The following CCDC85C variants were observed in gnomAD, a reference collection of about 807,000 sequenced individuals.
CCDC85C encodes coiled-coil domain containing 85C.
CCDC85C carries 18 observed loss-of-function variants against 38.3 expected under a neutral mutation model. The observed-to-expected ratio is 0.47, with a 90% CI of 0.33 to 0.70. The LOEUF is 0.70. Ranked by LOEUF, CCDC85C falls within the 30% of genes least tolerant of loss-of-function variation. The pLI is 0.03. For missense variants in CCDC85C, 566 were observed against 621.2 expected, an observed-to-expected ratio of 0.91 and a Z score of 0.94; for synonymous variants, 264 against 293.8, an observed-to-expected ratio of 0.90 and a Z score of 1.04.
intron 3 of CCDC85C, among the ~76,000 whole-genome samples, chr14:99,518,989 G>A (rs1012994758): frequency 1.3e-5 from 2 of 151,832 alleles, no homozygotes; most frequent in Admixed American, 6.6e-5. Flanking sequence ...AGCCCCCTCG[G>A]GCCACACACA....
rs60431041 is a variant in CCDC85C at position 99,519,279 on chromosome 14, C to CTTTTTTT, written c.976-2103_976-2097dup. ...TACAGATGCACACCACCATGCCCAG[C>CTTTTTTT]TTTTTTTTTTTTTTTTTGGTAGAGA... On this transcript the variant is annotated intron_variant, in intron 3 of 5. Transcript: ENST00000380243. 3.2e-3 allele frequency among the ~76,000 whole-genome samples: 391 copies of CTTTTTTT among 122,782 alleles called. 2 individuals carry two copies. Among genetic ancestry groups the CTTTTTTT allele is most frequent in the African/African-American group, 0.012 (366 of 31,696 alleles). 80.5% of individuals were successfully genotyped at this position (122,782 alleles called of 152,430 possible). A position where few individuals can be genotyped will look rare whatever the true frequency, so the allele number is the denominator to read the frequency against.
At chr14:99,551,421 G>A (rs1047507893) in intron 1 of CCDC85C, among the ~76,000 whole-genome samples, 2 of 151,766 alleles carry the variant, frequency 1.3e-5, no homozygotes, top group African/African-American at 4.8e-5. Flanking sequence ...AGATGAGCAG[G>A]TGAATGAGCA....
chr14:99,602,384 G>T (rs11624798), intron 1 of CCDC85C, among the ~76,000 whole-genome samples: 2,938 of 152,306 alleles, frequency 0.019, 48 homozygotes, highest in Non-Finnish European at 0.028. Flanking sequence ...GATGACCACG[G>T]CACTTCCTGT....
In CCDC85C at chr14:99,501,551, C is replaced by A; in HGVS notation, c.*13695G>T. 1 of 627,388 alleles carries A rather than the reference C, an allele frequency of 1.6e-6. No homozygotes were observed. Among genetic ancestry groups the A allele is most frequent in the Non-Finnish European group, 2.8e-6 (1 of 358,726 alleles). The allele number at this position is 627,388 out of a possible 1,614,324, so 38.9% of individuals were successfully genotyped here. On this transcript the variant is annotated 3_prime_UTR_variant, in exon 6 of 6. Transcript: ENST00000380243. ...CTTGAGGAGCCAGTTAATGGCAAAG[C>A]TGGGGCTGACGTCCAGGTCATCTGC...
Position 99,520,458 on chromosome 14 carries a change from GTTC to G in CCDC85C, c.975+1672_975+1674del, listed in dbSNP as rs1897287814. 4.1e-5 allele frequency among the ~76,000 whole-genome samples: 1 copy of G among 24,650 alleles called. No homozygotes were observed. Among genetic ancestry groups the G allele is most frequent in the Non-Finnish European group, 2.3e-4 (1 of 4,282 alleles). The allele number at this position is 24,650 out of a possible 152,430, so 16.2% of individuals were successfully genotyped here. A position where few individuals can be genotyped will look rare whatever the true frequency, so the allele number is the denominator to read the frequency against. ...CCCCGATCACGGCCCCTGCACCTCA[GTTC>G]ATCCCATTCCTGGGGGCCTGCCCGC... On this transcript the variant is annotated intron_variant, in intron 3 of 5. Coordinates refer to ENST00000380243, the MANE Select transcript of CCDC85C (RefSeq NM_001144995.2). The surrounding 1 kb of genome is among the most constrained non-coding windows in gnomAD (Gnocchi z 4.1).
At position 99,507,339 on chromosome 14, in the gene CCDC85C, G is replaced by T. The variant is rs931132943; in HGVS notation, c.*7907C>A. The T allele has an allele frequency of 1.7e-6, 1 of 579,798 alleles. No individual in the cohort carries two copies. The highest frequency in any genetic ancestry group is 3.1e-6 in the Non-Finnish European group (1 of 321,612). 35.9% of individuals were successfully genotyped at this position (579,798 alleles called of 1,614,324 possible). ...TGTTTTTGATCCCAGCACTTTGGGAGGCGGAGGCAGGAGAATCACCTGACC... is the reference window on the plus strand; with the variant it reads ...TGTTTTTGATCCCAGCACTTTGGGATGCGGAGGCAGGAGAATCACCTGACC... On this transcript the variant is annotated 3_prime_UTR_variant, in exon 6 of 6. Transcript: ENST00000380243.
chr14:99,573,452 G>A (rs556457443), intron 1 of CCDC85C, among the ~76,000 whole-genome samples: 32 of 152,354 alleles, frequency 2.1e-4, no homozygotes, highest in South Asian at 8.3e-4. Context: ...TGTCACCCAC[G>A]TGAAGGAAAA....
chr14:99,532,776 CTTCTTCTTTT>C, intron 2 of CCDC85C, among the ~76,000 whole-genome samples: 1 of 126,572 alleles, frequency 7.9e-6, no homozygotes, highest in East Asian at 2.5e-4. Flanking sequence ...TCTTCTTCTT[CTTCTTCTTTT>C]TTTTTTTTTT....
At chr14:99,594,700 G>C (rs1475554395) in intron 1 of CCDC85C, among the ~76,000 whole-genome samples, 4 of 152,174 alleles carry the variant, frequency 2.6e-5, no homozygotes, top group Admixed American at 1.3e-4. Context: ...GGGACTCTCA[G>C]CTCAGCCCAT....
intron 1 of CCDC85C, among the ~76,000 whole-genome samples, chr14:99,555,636 A>G (rs929935565): frequency 2.0e-5 from 3 of 152,242 alleles, no homozygotes; most frequent in African/African-American, 7.2e-5. Context: ...CGGCCCTCCC[A>G]GGAGAAGGCC....
Position 99,503,075 on chromosome 14 carries a change from G to C in CCDC85C, c.*12171C>G, listed in dbSNP as rs576158425. ...GTTCCCATTTCTAAGCGAGCACAGG[G>C]AACACCGGAAGCAGGGGGTGTTCGC... On this transcript the variant is annotated 3_prime_UTR_variant, in exon 6 of 6. Transcript: ENST00000380243. 7.1e-7 allele frequency: 1 copy of C among 1,412,030 alleles called. No homozygotes were observed. Among genetic ancestry groups the C allele is most frequent in the East Asian group, 2.3e-5 (1 of 43,874 alleles). 87.5% of individuals were successfully genotyped at this position (1,412,030 alleles called of 1,614,324 possible).
chr14:99,571,427 T>C (rs1898340817), intron 1 of CCDC85C, among the ~76,000 whole-genome samples: 1 of 152,172 alleles, frequency 6.6e-6, no homozygotes, highest in Non-Finnish European at 1.5e-5. Context: ...CAAGTGCCTT[T>C]TGGGCGTGCA....
chr14:99,524,334 TCCGGCGTCC>T (rs1897343825), intron 2 of CCDC85C, among the ~76,000 whole-genome samples: 1 of 151,982 alleles, frequency 6.6e-6, no homozygotes, highest in Admixed American at 6.6e-5. Flanking sequence ...CTGTTTGGAC[TCCGGCGTCC>T]CTTCCTCCAC....
At chr14:99,579,934 T>TC (rs34139518) in intron 1 of CCDC85C, 168,844 of 400,688 alleles carry the variant, frequency 0.42, 36,981 homozygotes, top group South Asian at 0.44. Flanking sequence ...TCTGGCTCAG[T>TC]CCAAGACTTT....
rs147915144 is a variant in CCDC85C at position 99,546,338 on chromosome 14, A to T, written c.794-10250T>A. ...GGGAGGGGTGGGACATCTCAGCCAC[A>T]TGCAGAGGTGGGAGGTGCAGCAGGT... On this transcript the variant is annotated intron_variant, in intron 1 of 5. Transcript: ENST00000380243. Among the ~76,000 whole-genome samples, 858 of 152,134 alleles carry T rather than the reference A, an allele frequency of 5.6e-3. 7 individuals carry two copies. The highest frequency in any genetic ancestry group is 0.02 in the African/African-American group (816 of 41,512).
Position 99,558,325 on chromosome 14 carries a change from G to C in CCDC85C, c.794-22237C>G, listed in dbSNP as rs1215844119. 2.6e-5 allele frequency among the ~76,000 whole-genome samples: 4 copies of C among 152,240 alleles called. No homozygotes were observed. The highest frequency in any genetic ancestry group is 5.9e-5 in the Non-Finnish European group (4 of 68,038). ...GAATGTGATCTTATTTGGAAATACGGTCTTTGCACATGTAGTCAAGGTAAG... is the reference window on the plus strand; with the variant it reads ...GAATGTGATCTTATTTGGAAATACGCTCTTTGCACATGTAGTCAAGGTAAG... On this transcript the variant is annotated intron_variant, in intron 1 of 5. Coordinates refer to ENST00000380243, the MANE Select transcript of CCDC85C (RefSeq NM_001144995.2). The surrounding 1 kb of genome is among the most constrained non-coding windows in gnomAD (Gnocchi z 4.2).
At chr14:99,528,416 C>T (rs865884489) in intron 2 of CCDC85C, among the ~76,000 whole-genome samples, 7 of 152,310 alleles carry the variant, frequency 4.6e-5, no homozygotes, top group Middle Eastern at 3.4e-3. Context: ...CTCGCCAAGG[C>T]GACTCCAGGA....
At position 99,501,962 on chromosome 14, in the gene CCDC85C, C is replaced by T; in HGVS notation, c.*13284G>A. ...ACATAAGTCATTTTCATTGGTGTAG[C>T]AATTTTTGGATGTGCTAGAATTCTT... On this transcript the variant is annotated 3_prime_UTR_variant, in exon 6 of 6. Transcript: ENST00000380243. 2.8e-6 allele frequency: 1 copy of T among 357,622 alleles called. No individual in the cohort carries two copies. The highest frequency in any genetic ancestry group is 2.1e-5 in the African/African-American group (1 of 46,896). The allele number at this position is 357,622 out of a possible 1,614,324, so 22.2% of individuals were successfully genotyped here.
rs1270946825 is a variant in CCDC85C, at chr14:99,522,022, G to A, written c.975+111C>T. ...GACACGGACACAGGGCCTAGGGCTG[G>A]GGCTGAACTCAGGCACCCAGATCCT... On this transcript the variant is annotated intron_variant, in intron 3 of 5. Coordinates refer to ENST00000380243, the MANE Select transcript of CCDC85C (RefSeq NM_001144995.2). 6.4e-6 allele frequency: 5 copies of A among 781,970 alleles called. No individual in the cohort carries two copies. The Admixed American group carries it at 8.7e-5, about 14-fold the overall frequency. 48.4% of individuals were successfully genotyped at this position (781,970 alleles called of 1,614,324 possible).
Sources: allele counts gnomAD v4.1 joint callset (sites outside exome capture counted in the v4.1 genomes callset), GRCh38; gene constraint gnomAD v4.1.1; non-coding constraint Gnocchi (gnomAD v3.1); transcripts MANE v1.5; gene names NCBI Gene and HGNC (gene_info 2026-07-23, HGNC 2026-07-21).